The following RPH3A variants were observed in gnomAD, a reference collection of about 807,000 sequenced individuals.
RPH3A encodes rabphilin 3A.
In RPH3A, 48 loss-of-function variants were observed where a neutral mutation model predicts 102.2. The ratio of observed to expected loss-of-function variants is 0.47; its 90% CI spans 0.37 to 0.60. The LOEUF (loss-of-function observed/expected upper bound fraction) is 0.60. RPH3A is among the 20% of genes least tolerant of loss of function. The pLI, the probability that RPH3A is intolerant of heterozygous loss-of-function variation, is 0.00. For synonymous variants in RPH3A, 310 were observed against 324.3 expected (o/e 0.96, Z 0.47); for missense variants, 781 against 910.1 (o/e 0.86, Z 1.83).
intron 5 of RPH3A, among the ~76,000 whole-genome samples, chr12:112,852,156 T>G (rs1289706080): frequency 6.6e-6 from 1 of 152,186 alleles, no homozygotes; most frequent in Non-Finnish European, 1.5e-5. Context: ...ACCTTGGTGC[T>G]CTTCAGGTAG....
intron 19 of RPH3A, chr12:112,893,593 TC>T (rs1309052302): frequency 2.0e-5 from 3 of 152,324 alleles, no homozygotes; most frequent in Non-Finnish European, 4.4e-5. Context: ...AGTGGTGTGA[TC>T]ATAGCTCACT....
intron 4 of RPH3A, among the ~76,000 whole-genome samples, chr12:112,841,407 A>G (rs2042141720): frequency 6.6e-6 from 1 of 152,058 alleles, no homozygotes; most frequent in African/African-American, 2.4e-5. Flanking sequence ...GGTGATTTGG[A>G]ACGCAAGACA....
At chr12:112,855,284 T>C (rs1158576296) in intron 5 of RPH3A, among the ~76,000 whole-genome samples, 4 of 152,250 alleles carry the variant, frequency 2.6e-5, no homozygotes, top group Non-Finnish European at 5.9e-5. Flanking sequence ...AGATTGTTGA[T>C]GGCTTAAGGA....
chr12:112,895,539 A>C, intron 20 of RPH3A: 2 of 441,392 alleles, frequency 4.5e-6, no homozygotes, highest in South Asian at 1.0e-4. Flanking sequence ...CAGCCTTCCC[A>C]ATTTCAAGCA....
intron 2 of RPH3A, among the ~76,000 whole-genome samples, chr12:112,812,563 T>C (rs887188295): frequency 6.6e-6 from 1 of 152,220 alleles, no homozygotes; most frequent in Non-Finnish European, 1.5e-5. Flanking sequence ...TATGCCATCT[T>C]GATAGCTGCA....
intron 1 of RPH3A, among the ~76,000 whole-genome samples, chr12:112,684,747 C>T (rs1479888613): frequency 1.3e-5 from 2 of 152,074 alleles, no homozygotes; most frequent in Non-Finnish European, 2.9e-5. Flanking sequence ...ATTTTTCCTA[C>T]TGGTGTCTCA....
chr12:112,896,875 C>A lies in RPH3A; in HGVS notation c.*95C>A. On this transcript the variant is annotated 3_prime_UTR_variant, in exon 22 of 22. Coordinates refer to ENST00000389385, the MANE Select transcript of RPH3A (RefSeq NM_001143854.2). ...TGATCTCTCTTCTCTATGCCTACCTCCCCCCATACCCTGCTGATCTCCCTG... is the reference window on the plus strand; with the variant it reads ...TGATCTCTCTTCTCTATGCCTACCTACCCCCATACCCTGCTGATCTCCCTG... 7.3e-7 allele frequency: 1 copy of A among 1,368,028 alleles called. No individual in the cohort carries two copies. Among genetic ancestry groups the A allele is most frequent in the Non-Finnish European group, 1.0e-6 (1 of 987,028 alleles). 84.7% of individuals were successfully genotyped at this position (1,368,028 alleles called of 1,614,324 possible).
chr12:112,718,814 G>T (rs1023116137), intron 1 of RPH3A, among the ~76,000 whole-genome samples: 2 of 152,224 alleles, frequency 1.3e-5, no homozygotes, highest in Admixed American at 6.5e-5. Context: ...GGCTTAGAAG[G>T]AAGGAGAGCA....
intron 1 of RPH3A, among the ~76,000 whole-genome samples, chr12:112,751,469 G>A (rs1446118872): frequency 6.6e-6 from 1 of 152,310 alleles, no homozygotes; most frequent in Admixed American, 6.5e-5. Flanking sequence ...CAGCCTTATA[G>A]TATTGTTCAG....
At chr12:112,738,440 C>A (rs2040684550) in intron 1 of RPH3A, among the ~76,000 whole-genome samples, 1 of 152,114 alleles carries the variant, frequency 6.6e-6, no homozygotes, top group East Asian at 1.9e-4. Context: ...CTGCAGATAC[C>A]TTATTTCCAA....
At chr12:112,876,450 C>T (rs373838538) in intron 12 of RPH3A, among the ~76,000 whole-genome samples, 192 bp from the exon 13 acceptor site, 1 of 152,174 alleles carries the variant, frequency 6.6e-6, no homozygotes, top group African/African-American at 2.4e-5. Flanking sequence ...ATTTGTACCC[C>T]CACAAGGTCT....
intron 1 of RPH3A, among the ~76,000 whole-genome samples, chr12:112,740,663 G>A (rs576287687): frequency 6.6e-6 from 1 of 152,214 alleles, no homozygotes. Flanking sequence ...TTCAGTTACT[G>A]ATGCCAAATG....
chr12:112,689,222 G>A (rs967267141), intron 1 of RPH3A, among the ~76,000 whole-genome samples: 1 of 152,176 alleles, frequency 6.6e-6, no homozygotes, highest in Non-Finnish European at 1.5e-5. Flanking sequence ...CTTGACCATG[G>A]AATTGGGAGA....
chr12:112,637,112 G>C (rs189099742), intron 1 of RPH3A, among the ~76,000 whole-genome samples: 1 of 152,104 alleles, frequency 6.6e-6, no homozygotes, highest in Non-Finnish European at 1.5e-5. Context: ...AATATGCAGA[G>C]TATTTCCAAA....
intron 1 of RPH3A, among the ~76,000 whole-genome samples, chr12:112,678,500 G>T (rs756739733): frequency 1.3e-5 from 2 of 152,030 alleles, no homozygotes; most frequent in Non-Finnish European, 2.9e-5. Flanking sequence ...CAGAGGTAAC[G>T]AAACAAATGC....
chr12:112,726,869 A>G (rs968886180), intron 1 of RPH3A, among the ~76,000 whole-genome samples: 1 of 151,986 alleles, frequency 6.6e-6, no homozygotes, highest in East Asian at 1.9e-4. Context: ...CTAAAAATAC[A>G]AAAATTAGAT....
At chr12:112,626,648 T>G (rs1402200970) in intron 1 of RPH3A, among the ~76,000 whole-genome samples, 2 of 144,626 alleles carry the variant, frequency 1.4e-5, no homozygotes, top group African/African-American at 2.6e-5. Flanking sequence ...GAAGTCAGTG[T>G]GGCGATTCCT....
chr12:112,688,119 C>T (rs1290765312), intron 1 of RPH3A, among the ~76,000 whole-genome samples: 1 of 152,040 alleles, frequency 6.6e-6, no homozygotes, highest in Admixed American at 6.5e-5. Flanking sequence ...AATATTGTGA[C>T]CTTAACGTGT....
At chr12:112,851,839 A>G (rs772941163) in intron 5 of RPH3A, among the ~76,000 whole-genome samples, 3 of 152,132 alleles carry the variant, frequency 2.0e-5, no homozygotes, top group Non-Finnish European at 2.9e-5. Flanking sequence ...TTCAGAATTT[A>G]TTTTGCATGC....
Sources: allele counts gnomAD v4.1 joint callset (sites outside exome capture counted in the v4.1 genomes callset), GRCh38; gene constraint gnomAD v4.1.1; transcripts MANE v1.5; gene names NCBI Gene and HGNC (gene_info 2026-07-23, HGNC 2026-07-21).